Variants in PHF3 observed in about 807,000 individuals in gnomAD.
PHF3 encodes PHD finger protein 3.
Under a neutral mutation model 178.4 loss-of-function variants are expected in PHF3, and 41 were observed. The ratio of observed to expected loss-of-function variants is 0.23; its 90% CI spans 0.18 to 0.30. The LOEUF is 0.30. Among genes scored for constraint, PHF3 ranks in the 10% least tolerant of loss-of-function variants. The pLI is 1.00. For synonymous variants in PHF3, 842 were observed against 800.5 expected (o/e 1.05, Z -0.88); for missense variants, 2,346 against 2,398.1 (o/e 0.98, Z 0.45).
intron 5 of PHF3, among the ~76,000 whole-genome samples, chr6:63,692,971 C>T (rs964857612): frequency 6.6e-6 from 1 of 152,146 alleles, no homozygotes; most frequent in African/African-American, 2.4e-5. Flanking sequence ...TTAACAAATC[C>T]GTTTCTTTCA....
intron 11 of PHF3, 59 bp from the exon 12 acceptor site, chr6:63,705,970 G>T: frequency 2.3e-6 from 3 of 1,325,342 alleles, no homozygotes; most frequent in Non-Finnish European, 3.1e-6. Flanking sequence ...AGTGAAAATG[G>T]GTTAAGTTAT....
rs1253532099 is a variant in PHF3, at chr6:63,711,847, A to G, written c.4259A>G (p.Asp1420Gly). The G allele has an allele frequency of 6.2e-7, 1 of 1,614,080 alleles. No homozygotes were observed. The highest frequency in any genetic ancestry group is 1.1e-5 in the South Asian group (1 of 91,082). ...RNKPQQNLQE[D>G]LPTAVEPLME... ...AAACCTCAGCAGAATCTTCAGGAAG[A>G]CCTTCCAACAGCAGTTGAACCTTTA... is the stretch of plus-strand genomic sequence containing the variant. Residue 1420 changes from aspartate (D) to glycine (G), a missense_variant, in exon 16 of 16, where the codon GAC becomes GGC. Asp to Gly is a moderately conservative substitution (Grantham distance 94). This residue lies in a region of PHF3 where 839 missense variants were observed against 806.9 expected (regional missense o/e 1.04). Transcript: ENST00000262043.
intron 2 of PHF3, among the ~76,000 whole-genome samples, chr6:63,648,077 C>CTGGCT (rs1343853954): frequency 6.6e-6 from 1 of 152,200 alleles, no homozygotes; most frequent in African/African-American, 2.4e-5. Flanking sequence ...AGGACCTCAA[C>CTGGCT]ACTGGCTACT....
intron 9 of PHF3, among the ~76,000 whole-genome samples, chr6:63,701,437 T>C (rs1767471934): frequency 6.6e-6 from 1 of 152,226 alleles, no homozygotes; most frequent in South Asian, 2.1e-4. Context: ...CTTTAAAAAT[T>C]AAGTATGTTA....
Position 63,713,631 on chromosome 6 carries a change from CACAG to C in PHF3, c.6045_6048del (p.His2015GlnfsTer35). The C allele has an allele frequency of 6.2e-7, 1 of 1,612,570 alleles. No individual in the cohort carries two copies. Among genetic ancestry groups the C allele is most frequent in the Non-Finnish European group, 8.5e-7 (1 of 1,179,510 alleles). Reference sequence around the variant, plus strand: ...GGACAAAGAACGAGAGAAAAGTAAACACAGAGAAGGAGAAAAGGACAGGGATAGG... The same window carrying C: ...GGACAAAGAACGAGAGAAAAGTAAACAGAAGGAGAAAAGGACAGGGATAGG... On this transcript the variant is annotated frameshift_variant, in exon 16 of 16. Coordinates refer to ENST00000262043, the MANE Select transcript of PHF3 (RefSeq NM_001370348.2). LOFTEE classifies it high-confidence loss of function.
intron 2 of PHF3, among the ~76,000 whole-genome samples, chr6:63,667,244 T>C (rs927781587): frequency 2.0e-5 from 3 of 152,224 alleles, no homozygotes; most frequent in African/African-American, 7.2e-5. Flanking sequence ...ACTTTAAATA[T>C]GTTTTGGAAC....
intron 2 of PHF3, among the ~76,000 whole-genome samples, chr6:63,652,578 G>T (rs1765063420): frequency 6.6e-6 from 1 of 152,138 alleles, no homozygotes; most frequent in African/African-American, 2.4e-5. Context: ...TTTATTGCCT[G>T]TGCTTTTGAG....
rs910766917 is a variant in PHF3 at position 63,709,248 on chromosome 6, A to G, written c.3801+8A>G. The G allele has an allele frequency of 6.3e-7, 1 of 1,579,032 alleles. No individual in the cohort carries two copies. Among genetic ancestry groups the G allele is most frequent in the African/African-American group, 1.3e-5 (1 of 74,142 alleles). On this transcript the variant is annotated splice_region_variant and intron_variant, in intron 14 of 15. Coordinates refer to ENST00000262043, the MANE Select transcript of PHF3 (RefSeq NM_001370348.2). ...AAAGCATCAGGAACCAAGGTGAGGAAAACTTTTTTCACTATACCAGCATGG... is the reference window on the plus strand; with the variant it reads ...AAAGCATCAGGAACCAAGGTGAGGAGAACTTTTTTCACTATACCAGCATGG...
chr6:63,670,252 G>A (rs1765854945), intron 2 of PHF3, among the ~76,000 whole-genome samples: 1 of 151,932 alleles, frequency 6.6e-6, no homozygotes, highest in African/African-American at 2.4e-5. Context: ...ATGGAGTAGA[G>A]GTGTTTTTTG....
rs1438936260 is a variant in PHF3, at chr6:63,717,265, C to T, written c.*3557C>T. Among the ~76,000 whole-genome samples, 1 of 151,940 alleles carries T rather than the reference C, an allele frequency of 6.6e-6. No individual in the cohort carries two copies. The highest frequency in any genetic ancestry group is 2.4e-5 in the African/African-American group (1 of 41,402). ...TAGCTGTGTTTTTAAAGTTTATGAA[C>T]CAAACTTAAATGCATTATGAGAGCT... On this transcript the variant is annotated 3_prime_UTR_variant, in exon 16 of 16. Coordinates refer to ENST00000262043, the MANE Select transcript of PHF3 (RefSeq NM_001370348.2).
At chr6:63,680,755 T>C (rs775914791) in intron 3 of PHF3, among the ~76,000 whole-genome samples, 20 of 152,180 alleles carry the variant, frequency 1.3e-4, no homozygotes, top group Non-Finnish European at 2.7e-4. Context: ...CCTAAAGATA[T>C]TTGTGTATTT....
rs750026950 is a variant in PHF3, at chr6:63,711,122, T to C, written c.3802-45T>C. The C allele has an allele frequency of 4.3e-6, 6 of 1,384,208 alleles. No homozygotes were observed. The African/African-American group carries it at 7.2e-5, about 17-fold the overall frequency. The allele number at this position is 1,384,208 out of a possible 1,614,324, so 85.7% of individuals were successfully genotyped here. A position where few individuals can be genotyped will look rare whatever the true frequency, so the allele number is the denominator to read the frequency against. On this transcript the variant is annotated intron_variant, in intron 14 of 15. Transcript: ENST00000262043. ...AAATAGTTTTAAAACCAAGCTACTC[T>C]TTAGCTTATTACCTTAAACAATTAT...
chr6:63,695,387 T>C (rs978509423), intron 6 of PHF3, among the ~76,000 whole-genome samples: 1 of 152,188 alleles, frequency 6.6e-6, no homozygotes, highest in African/African-American at 2.4e-5. Context: ...CTGTATAGCG[T>C]TCCTCTCCCT....
In PHF3 at chr6:63,722,835, T is replaced by G. The variant is rs1440017476; in HGVS notation, c.*9127T>G. Among the ~76,000 whole-genome samples the G allele has an allele frequency of 6.6e-6, 1 of 152,246 alleles. No homozygotes were observed. Among genetic ancestry groups the G allele is most frequent in the Non-Finnish European group, 1.5e-5 (1 of 68,046 alleles). Reference sequence around the variant, plus strand: ...CCAAGCCATTCTAGACTGGTTGGAATGTTTGGCAGCTCTATAGTTCTTCAC... The same window carrying G: ...CCAAGCCATTCTAGACTGGTTGGAAGGTTTGGCAGCTCTATAGTTCTTCAC... On this transcript the variant is annotated 3_prime_UTR_variant, in exon 16 of 16. Transcript: ENST00000262043.
intron 1 of PHF3, among the ~76,000 whole-genome samples, chr6:63,640,373 C>G (rs191145074): frequency 6.6e-6 from 1 of 152,288 alleles, no homozygotes; most frequent in East Asian, 1.9e-4. Flanking sequence ...AGTCCTGGCT[C>G]TGTCACTTAT....
intron 2 of PHF3, among the ~76,000 whole-genome samples, chr6:63,668,756 T>A (rs1765784676): frequency 1.3e-5 from 2 of 152,314 alleles, no homozygotes; most frequent in East Asian, 3.9e-4. Flanking sequence ...CACAATGTAG[T>A]CAGTGAGATG....
chr6:63,698,662 C>G (rs1202813374), intron 8 of PHF3, 57 bp downstream of exon 8: 1 of 1,230,682 alleles, frequency 8.1e-7, no homozygotes, highest in Non-Finnish European at 1.1e-6. Flanking sequence ...ACATAGGTAT[C>G]TCAGATTGTA....
At chr6:63,702,764 T>TTTA (rs761445693) in intron 10 of PHF3, 125 bp downstream of exon 10, 12 of 932,314 alleles carry the variant, frequency 1.3e-5, no homozygotes, top group Non-Finnish European at 1.8e-5. Flanking sequence ...AGTAGCCTAT[T>TTTA]TTATTGGTTT....
chr6:63,651,603 C>A (rs370728982), intron 2 of PHF3, among the ~76,000 whole-genome samples: 2 of 152,296 alleles, frequency 1.3e-5, no homozygotes, highest in African/African-American at 4.8e-5. Flanking sequence ...CTCAAGTGAT[C>A]TGCCTGCCTT....
Sources: gnomAD v4.1 joint callset for allele counts (sites outside exome capture counted in the v4.1 genomes callset) on GRCh38, gnomAD v4.1.1 for gene constraint, gnomAD v4.1.1 regional missense constraint, MANE v1.5 for transcripts, NCBI Gene and HGNC (gene_info 2026-07-23, HGNC 2026-07-21) for gene names.